The following PARN variants were observed in gnomAD, a reference collection of about 807,000 sequenced individuals.
PARN encodes poly(A)-specific ribonuclease.
PARN carries 71 observed loss-of-function variants against 102.8 expected under a neutral mutation model. That is an observed-to-expected ratio of 0.69 (90% CI 0.57 to 0.84). PARN has a LOEUF of 0.84. Ranked by LOEUF, PARN falls within the 40% of genes least tolerant of loss-of-function variation. The probability of loss-of-function intolerance (pLI) is 0.00; values close to 1 mark genes in which losing one functional copy is unlikely to be tolerated. For synonymous variants in PARN, 261 were observed against 252.9 expected, an observed-to-expected ratio of 1.03 and a Z score of -0.30; for missense variants, 782 against 760.9, an observed-to-expected ratio of 1.03 and a Z score of -0.33.
chr16:14,485,366 C>A (rs539118647), intron 21 of PARN, among the ~76,000 whole-genome samples: 5 of 152,306 alleles, frequency 3.3e-5, no homozygotes, highest in African/African-American at 1.2e-4. Flanking sequence ...CATTGTCCAC[C>A]CATTCTTCCA....
intron 21 of PARN, among the ~76,000 whole-genome samples, chr16:14,500,215 C>A (rs1268254180): frequency 6.6e-6 from 1 of 152,016 alleles, no homozygotes; most frequent in Non-Finnish European, 1.5e-5. Flanking sequence ...GCCACCATGT[C>A]CGGGTAATTT....
intron 18 of PARN, among the ~76,000 whole-genome samples, chr16:14,563,522 G>GTGTATATA (rs1423811963): frequency 1.1e-3 from 165 of 149,262 alleles, no homozygotes; most frequent in African/African-American, 3.6e-3. Context: ...GTGTGTGTGT[G>GTGTATATA]TATATAATTC....
At chr16:14,493,214 T>G (rs1019096221) in intron 21 of PARN, among the ~76,000 whole-genome samples, 1 of 152,164 alleles carries the variant, frequency 6.6e-6, no homozygotes. Flanking sequence ...TTCATTCATT[T>G]ATTATTTATT....
At chr16:14,623,866 T>C (rs1044408572) in intron 5 of PARN, among the ~76,000 whole-genome samples, 1 of 151,624 alleles carries the variant, frequency 6.6e-6, no homozygotes, top group Non-Finnish European at 1.5e-5. Context: ...GAAACACATC[T>C]GTTACTCTAC....
chr16:14,472,816 C>A (rs1962823429), intron 22 of PARN, among the ~76,000 whole-genome samples: 1 of 152,198 alleles, frequency 6.6e-6, no homozygotes, highest in Non-Finnish European at 1.5e-5. Context: ...CTGAAAGTTT[C>A]TTCTGGGCAG....
intron 22 of PARN, among the ~76,000 whole-genome samples, chr16:14,473,953 G>A (rs919658950): frequency 1.3e-5 from 2 of 152,120 alleles, no homozygotes; most frequent in Non-Finnish European, 2.9e-5. Flanking sequence ...GTATATAGCT[G>A]GTAGGTGGAA....
At chr16:14,569,138 G>A (rs1405775534) in intron 18 of PARN, among the ~76,000 whole-genome samples, 3 of 151,566 alleles carry the variant, frequency 2.0e-5, no homozygotes, top group African/African-American at 4.9e-5. Flanking sequence ...CTAGAGCCTC[G>A]GAGGTGAAGG....
chr16:14,482,887 G>A, intron 21 of PARN, 60 bp from the exon 22 acceptor site: 1 of 1,421,086 alleles, frequency 7.0e-7, no homozygotes, highest in Non-Finnish European at 9.4e-7. Flanking sequence ...CCCCAAAGAT[G>A]ACACTTTTGA....
At chr16:14,472,327 A>G (rs543893482) in intron 22 of PARN, among the ~76,000 whole-genome samples, 1 of 152,332 alleles carries the variant, frequency 6.6e-6, no homozygotes, top group African/African-American at 2.4e-5. Context: ...TGAATATTTT[A>G]AAATACTCTT....
intron 18 of PARN, among the ~76,000 whole-genome samples, chr16:14,573,055 AT>A (rs979255239): frequency 1.4e-4 from 21 of 150,964 alleles, no homozygotes; most frequent in African/African-American, 4.6e-4. Context: ...TTCCCAGCTA[AT>A]TTTTTTTTAA....
intron 18 of PARN, among the ~76,000 whole-genome samples, chr16:14,561,053 AG>A (rs1968023984): frequency 6.6e-6 from 1 of 151,274 alleles, no homozygotes; most frequent in Non-Finnish European, 1.5e-5. Context: ...GCTACTTAGG[AG>A]GCTGAGGCAG....
At chr16:14,552,902 C>T (rs989243162) in intron 20 of PARN, among the ~76,000 whole-genome samples, 16 of 151,818 alleles carry the variant, frequency 1.1e-4, no homozygotes, top group African/African-American at 3.9e-4. Flanking sequence ...GAGCCGAGAT[C>T]GCGCCATTGC....
chr16:14,551,797 T>G (rs1967319914), intron 21 of PARN, among the ~76,000 whole-genome samples: 1 of 152,126 alleles, frequency 6.6e-6, no homozygotes, highest in Non-Finnish European at 1.5e-5. Flanking sequence ...AATGAAAAAA[T>G]ATACTATGTA....
At chr16:14,598,981 C>CAGCAT (rs1291290567) in intron 12 of PARN, among the ~76,000 whole-genome samples, 2 of 151,776 alleles carry the variant, frequency 1.3e-5, no homozygotes, top group East Asian at 3.9e-4. Context: ...GAACAACCAG[C>CAGCAT]AGCATGACCT....
chr16:14,617,646 G>A lies in PARN; in HGVS notation c.332C>T (p.Ser111Phe). ...SPDVKFVCQSSSIDFLASQGF... is the reference protein window; with the variant it reads ...SPDVKFVCQSFSIDFLASQGF... ...CTGGCTTGCTAGAAAGTCAATGCTG[G>A]AGCTCTGAAACAGAGTAAACAGAAC... The change falls in exon 6 of 24, where the codon TCC becomes TTC. Residue 111 changes from serine (S) to phenylalanine (F), a missense_variant. Transcript: ENST00000437198. The A allele has an allele frequency of 6.3e-7, 1 of 1,591,730 alleles. No homozygotes were observed. Among genetic ancestry groups the A allele is most frequent in the Non-Finnish European group, 8.6e-7 (1 of 1,159,700 alleles).
intron 22 of PARN, among the ~76,000 whole-genome samples, chr16:14,476,077 A>G (rs1963031219): frequency 6.6e-6 from 1 of 152,224 alleles, no homozygotes; most frequent in South Asian, 2.1e-4. Flanking sequence ...TAAAAATAAA[A>G]GACAGACTGA....
chr16:14,474,683 G>A (rs750703000), intron 22 of PARN, among the ~76,000 whole-genome samples: 4 of 152,196 alleles, frequency 2.6e-5, no homozygotes, highest in Admixed American at 6.5e-5. Context: ...AGTCTTTTCC[G>A]AGGTGCTAGG....
intron 16 of PARN, among the ~76,000 whole-genome samples, chr16:14,582,532 G>A (rs564610555): frequency 2.0e-5 from 3 of 152,068 alleles, no homozygotes; most frequent in East Asian, 3.9e-4. Flanking sequence ...CTCAGCCGTG[G>A]GCTTTCTCGT....
At chr16:14,461,916 G>A (rs986058140) in intron 22 of PARN, among the ~76,000 whole-genome samples, 3 of 152,220 alleles carry the variant, frequency 2.0e-5, no homozygotes, top group Non-Finnish European at 4.4e-5. Flanking sequence ...CACAGACTCT[G>A]AAAGAAGTGA....
Sources: gnomAD v4.1 joint callset for allele counts (sites outside exome capture counted in the v4.1 genomes callset) on GRCh38, gnomAD v4.1.1 for gene constraint, MANE v1.5 for transcripts, NCBI Gene and HGNC (gene_info 2026-07-23, HGNC 2026-07-21) for gene names.